DSCAM: variants seen among roughly 807,000 people sequenced by gnomAD.
DSCAM encodes the protein cell adhesion molecule DSCAM.
A neutral mutation model predicts 217.7 loss-of-function variants in DSCAM; 47 were observed. The ratio of observed to expected loss-of-function variants is 0.22; its 90% CI spans 0.17 to 0.28. DSCAM has a LOEUF of 0.28. Among genes scored for constraint, DSCAM ranks in the 10% least tolerant of loss-of-function variants. The pLI, the probability that DSCAM is intolerant of heterozygous loss-of-function variation, is 1.00. For synonymous variants in DSCAM, 1,056 were observed against 1,015.3 expected, an observed-to-expected ratio of 1.04 and a Z score of -0.76; for missense variants, 2,080 against 2,618.3, an observed-to-expected ratio of 0.79 and a Z score of 4.49.
intron 32 of DSCAM, among the ~76,000 whole-genome samples, chr21:40,030,052 G>A (rs540423141): frequency 1.3e-5 from 2 of 152,318 alleles, no homozygotes; most frequent in South Asian, 4.1e-4. Context: ...ACACATGCAT[G>A]GACACATATA....
At chr21:40,705,769 G>T (rs151054701) in intron 2 of DSCAM, among the ~76,000 whole-genome samples, 1 of 152,180 alleles carries the variant, frequency 6.6e-6, no homozygotes, top group African/African-American at 2.4e-5. Flanking sequence ...ATTTGGGTGC[G>T]GACATAGAGT....
At chr21:40,492,158 A>G (rs1402891309) in intron 3 of DSCAM, among the ~76,000 whole-genome samples, 1 of 152,192 alleles carries the variant, frequency 6.6e-6, no homozygotes, top group Non-Finnish European at 1.5e-5. Flanking sequence ...ATCCTATTCT[A>G]GTGCTTCAGA....
At chr21:40,129,398 T>A (rs1262780596) in intron 19 of DSCAM, among the ~76,000 whole-genome samples, 2 of 152,178 alleles carry the variant, frequency 1.3e-5, no homozygotes, top group Non-Finnish European at 2.9e-5. Context: ...GTTTGACTGA[T>A]CCTTTAACCA....
chr21:40,666,943 C>T (rs1199292072), intron 3 of DSCAM, among the ~76,000 whole-genome samples: 2 of 152,134 alleles, frequency 1.3e-5, no homozygotes, highest in Non-Finnish European at 1.5e-5. Flanking sequence ...GAACAGCAAG[C>T]GTTTTGCAAA....
At chr21:40,825,266 T>TTTCCTTCCTTCC (rs142604153) in intron 1 of DSCAM, among the ~76,000 whole-genome samples, 3,168 of 139,972 alleles carry the variant, frequency 0.023, 63 homozygotes, top group South Asian at 0.048. Flanking sequence ...ATTTTCTTTC[T>TTTCCTTCCTTCC]TTCCTTCCTT....
At chr21:40,675,152 C>T (rs1257930454) in intron 3 of DSCAM, among the ~76,000 whole-genome samples, 1 of 152,038 alleles carries the variant, frequency 6.6e-6, no homozygotes, top group African/African-American at 2.4e-5. Context: ...GGAGTGTTGA[C>T]GGATGCCTCA....
intron 3 of DSCAM, among the ~76,000 whole-genome samples, chr21:40,644,329 C>G (rs2089918185): frequency 6.6e-6 from 1 of 152,164 alleles, no homozygotes; most frequent in Admixed American, 6.5e-5. Context: ...AGTTGGGACC[C>G]TCATCAGAGT....
intron 4 of DSCAM, among the ~76,000 whole-genome samples, chr21:40,364,238 T>C (rs574527500): frequency 1.3e-5 from 2 of 152,316 alleles, no homozygotes; most frequent in South Asian, 2.1e-4. Flanking sequence ...CGTATGTTTA[T>C]TGAGGCATTA....
chr21:40,261,389 T>C (rs892041112), intron 11 of DSCAM, among the ~76,000 whole-genome samples: 1 of 152,186 alleles, frequency 6.6e-6, no homozygotes, highest in Non-Finnish European at 1.5e-5. Flanking sequence ...TTGCCTTTTC[T>C]AGTGTGCATG....
intron 27 of DSCAM, 86 bp from the exon 28 acceptor site, chr21:40,062,985 A>G: frequency 8.1e-7 from 1 of 1,229,608 alleles, no homozygotes; most frequent in Non-Finnish European, 1.1e-6. Context: ...CTACAGTCAG[A>G]TCAGAACAGT....
intron 16 of DSCAM, among the ~76,000 whole-genome samples, chr21:40,165,435 G>C (rs901060050): frequency 4.6e-5 from 7 of 152,146 alleles, no homozygotes; most frequent in African/African-American, 1.7e-4. Flanking sequence ...ATGCCACAAA[G>C]GCCCACTACA....
intron 3 of DSCAM, among the ~76,000 whole-genome samples, chr21:40,428,632 C>T (rs1179268440): frequency 6.6e-6 from 1 of 152,040 alleles, no homozygotes; most frequent in African/African-American, 2.4e-5. Context: ...GAGTCTAAGA[C>T]AAGCAAAAAC....
Position 40,509,660 on chromosome 21 carries a change from G to C in DSCAM, c.509-140415C>G, listed in dbSNP as rs11909131. The stretch of plus-strand genomic sequence containing the variant: ...TTTCACACACAGTGACCACTAGCTA[G>C]TAAAATTTCTATGAAAGAACTCATA... On this transcript the variant is annotated intron_variant, in intron 3 of 32. Transcript: ENST00000400454. Among the ~76,000 whole-genome samples the C allele has an allele frequency of 8.8e-3, 1,347 of 152,208 alleles. 24 individuals carry two copies. Among genetic ancestry groups the C allele is most frequent in the African/African-American group, 0.031 (1,275 of 41,476 alleles).
intron 3 of DSCAM, among the ~76,000 whole-genome samples, chr21:40,519,205 G>C (rs2076339249): frequency 6.6e-6 from 1 of 152,126 alleles, no homozygotes. Flanking sequence ...ATGACGGTGA[G>C]TGTTATGTGT....
intron 3 of DSCAM, among the ~76,000 whole-genome samples, chr21:40,569,417 G>C (rs1051140818): frequency 2.0e-5 from 3 of 152,090 alleles, no homozygotes; most frequent in Non-Finnish European, 4.4e-5. Flanking sequence ...GATCGTTTAC[G>C]TGGCCCTCAT....
At chr21:40,067,786 C>T (rs2089233594) in intron 27 of DSCAM, among the ~76,000 whole-genome samples, 1 of 123,796 alleles carries the variant, frequency 8.1e-6, no homozygotes, top group Non-Finnish European at 1.6e-5. Context: ...TCCTTCCTTC[C>T]TTCTTTTTAT....
chr21:40,447,432 C>T (rs1042978488), intron 3 of DSCAM, among the ~76,000 whole-genome samples: 5 of 152,138 alleles, frequency 3.3e-5, no homozygotes, highest in Non-Finnish European at 7.3e-5. Flanking sequence ...CATTACTGTT[C>T]GTGTGCTTTA....
intron 3 of DSCAM, among the ~76,000 whole-genome samples, chr21:40,563,963 G>A (rs961965817): frequency 6.6e-6 from 1 of 152,162 alleles, no homozygotes; most frequent in Non-Finnish European, 1.5e-5. Flanking sequence ...GAGAAGGGAG[G>A]CAGAGTGAGA....
At chr21:40,772,250 C>A (rs2091451788) in intron 1 of DSCAM, among the ~76,000 whole-genome samples, 1 of 152,114 alleles carries the variant, frequency 6.6e-6, no homozygotes, top group South Asian at 2.1e-4. Flanking sequence ...TTCATTGCTA[C>A]CTCCACCTCC....
Sources: allele counts gnomAD v4.1 joint callset (sites outside exome capture counted in the v4.1 genomes callset), GRCh38; gene constraint gnomAD v4.1.1; transcripts MANE v1.5; gene names NCBI Gene and HGNC (gene_info 2026-07-23, HGNC 2026-07-21).